REPS2: variants seen among roughly 807,000 people sequenced by gnomAD.
The protein encoded by REPS2 is RALBP1 associated Eps domain containing 2.
REPS2 carries 23 observed loss-of-function variants against 53.6 expected under a neutral mutation model. That is an observed-to-expected ratio of 0.43 (90% CI 0.31 to 0.61). REPS2 has a LOEUF of 0.61. REPS2 is among the 20% of genes least tolerant of loss of function. REPS2 has a pLI of 0.11. For synonymous variants in REPS2, 238 were observed against 218.6 expected, an observed-to-expected ratio of 1.09 and a Z score of -0.78; for missense variants, 446 against 534.9, an observed-to-expected ratio of 0.83 and a Z score of 1.64.
the REPS2 span, among the ~76,000 whole-genome samples, chrX:17,165,595 G>T: frequency 4.5e-5 from 5 of 111,717 alleles, no homozygotes; most frequent in African/African-American, 6.5e-5. Context: ...TCTGAGGGAG[G>T]AGCAGAGTGT....
chrX:17,186,571 A>G, the REPS2 span, among the ~76,000 whole-genome samples: 305 of 112,249 alleles, frequency 2.7e-3, 1 homozygote, highest in African/African-American at 9.3e-3. Context: ...GTATAAGATT[A>G]CCAGTAGTAA....
intron 14 of REPS2, among the ~76,000 whole-genome samples, chrX:17,127,898 C>G (rs908991575): frequency 3.6e-5 from 4 of 111,877 alleles, no homozygotes; most frequent in African/African-American, 9.7e-5. Flanking sequence ...AGCTGATGAT[C>G]CACCTCTAAG....
rs3222673 is a variant in REPS2, at chrX:17,030,314, G to GGTGTGT, written c.771+715_771+720dup. Among the ~76,000 whole-genome samples the GGTGTGT allele has an allele frequency of 7.7e-3, 788 of 101,875 alleles. 3 individuals carry two copies. Among genetic ancestry groups the GGTGTGT allele is most frequent in the African/African-American group, 0.018 (491 of 27,943 alleles). The allele number at this position is 101,875 out of a possible 115,157, so 88.5% of individuals were successfully genotyped here. A position where few individuals can be genotyped will look rare whatever the true frequency, so the allele number is the denominator to read the frequency against. ...TGGGGAAGTTATATTCTCAAAGAAG[G>GGTGTGT]GTGTGTGTGTGTGTGTGTGTGTGTG... is the stretch of plus-strand genomic sequence containing the variant. On this transcript the variant is annotated intron_variant, in intron 5 of 17. Coordinates refer to ENST00000357277, the MANE Select transcript of REPS2 (RefSeq NM_004726.3).
intron 9 of REPS2, among the ~76,000 whole-genome samples, chrX:17,066,448 A>G (rs769503254): frequency 6.2e-5 from 7 of 112,226 alleles, no homozygotes; most frequent in Middle Eastern, 4.6e-3. Context: ...ATTTCTTTTT[A>G]TCTACATTGC....
chrX:16,964,254 G>C (rs2060703487), intron 1 of REPS2, among the ~76,000 whole-genome samples: 1 of 109,016 alleles, frequency 9.2e-6, no homozygotes, highest in Non-Finnish European at 1.9e-5. Flanking sequence ...CTGCCTTCAA[G>C]CATCTGTTTA....
chrX:17,065,437 C>A (rs1341010644), intron 9 of REPS2, among the ~76,000 whole-genome samples: 3 of 112,155 alleles, frequency 2.7e-5, no homozygotes, highest in Non-Finnish European at 5.6e-5. Context: ...AGTGTCTCGT[C>A]CTTTGTCCAT....
At chrX:17,018,068 G>A (rs1175314007) in intron 2 of REPS2, among the ~76,000 whole-genome samples, 1 of 111,882 alleles carries the variant, frequency 8.9e-6, no homozygotes, top group Non-Finnish European at 1.9e-5. Context: ...CATTTTAAAT[G>A]TATAATTCAG....
At chrX:16,962,276 TAC>T (rs61520216) in intron 1 of REPS2, among the ~76,000 whole-genome samples, 22,178 of 81,496 alleles carry the variant, frequency 0.27, 2,653 homozygotes, top group Admixed American at 0.31. Flanking sequence ...TATCGTGGGA[TAC>T]ACACACACAC....
At chrX:17,060,318 T>C (rs1569154425) in intron 8 of REPS2, among the ~76,000 whole-genome samples, 1 of 110,355 alleles carries the variant, frequency 9.1e-6, no homozygotes, top group Non-Finnish European at 1.9e-5. Flanking sequence ...TAAAATAAAA[T>C]AAAAATAAAA....
At chrX:17,116,833 G>A (rs1040605243) in intron 14 of REPS2, among the ~76,000 whole-genome samples, 8 of 111,645 alleles carry the variant, frequency 7.2e-5, no homozygotes, top group African/African-American at 2.3e-4. Context: ...TGTCAGGAGC[G>A]AATTTGCCTT....
intron 1 of REPS2, among the ~76,000 whole-genome samples, chrX:16,976,728 T>C (rs942248627): frequency 8.9e-6 from 1 of 111,863 alleles, no homozygotes; most frequent in African/African-American, 3.2e-5. Context: ...GTTAAGAATA[T>C]ATATTAGAAC....
intron 1 of REPS2, among the ~76,000 whole-genome samples, chrX:16,970,971 G>C (rs2060884645): frequency 8.9e-6 from 1 of 112,463 alleles, no homozygotes; most frequent in African/African-American, 3.2e-5. Flanking sequence ...AGGTTTTTGT[G>C]TGGACATATG....
In REPS2 at chrX:17,147,508, G is replaced by A. The variant is rs1276465950; in HGVS notation, c.*27G>A. On this transcript the variant is annotated 3_prime_UTR_variant, in exon 18 of 18. Transcript: ENST00000357277. ...CCCCCCATGGTTCAAGTGACAGTGG[G>A]TGACCTTGTCTGCCAAGATCTTTCT... is the stretch of plus-strand genomic sequence containing the variant. 9.1e-7 allele frequency: 1 copy of A among 1,103,870 alleles called. No individual in the cohort carries two copies. The highest frequency in any genetic ancestry group is 1.2e-6 in the Non-Finnish European group (1 of 808,396). 91.0% of individuals were successfully genotyped at this position (1,103,870 alleles called of 1,213,427 possible). A position where few individuals can be genotyped will look rare whatever the true frequency, so the allele number is the denominator to read the frequency against.
intron 13 of REPS2, among the ~76,000 whole-genome samples, chrX:17,096,655 G>A (rs1603005449): frequency 3.2e-5 from 1 of 30,929 alleles, no homozygotes; most frequent in African/African-American, 1.7e-4. Context: ...GCGAGACTCC[G>A]TCTCAAAAAA....
At chrX:17,027,888 A>G (rs1194135706) in intron 4 of REPS2, among the ~76,000 whole-genome samples, 2 of 110,977 alleles carry the variant, frequency 1.8e-5, no homozygotes, top group Non-Finnish European at 3.8e-5. Context: ...GATGGCCTGA[A>G]TATCAGCTTT....
intron 2 of REPS2, among the ~76,000 whole-genome samples, chrX:17,018,796 G>A (rs1220560518): frequency 4.6e-5 from 5 of 108,040 alleles, no homozygotes; most frequent in Admixed American, 2.0e-4. Context: ...TTTTCTAATG[G>A]ATTGAGGAAA....
At chrX:17,196,414 G>A in the REPS2 span, among the ~76,000 whole-genome samples, 3 of 110,813 alleles carry the variant, frequency 2.7e-5, no homozygotes, top group South Asian at 3.9e-4. Flanking sequence ...ATTAAGAGGC[G>A]GGGCCTTTGG....
chrX:17,005,545 A>G (rs2061354196), intron 1 of REPS2, among the ~76,000 whole-genome samples: 2 of 111,461 alleles, frequency 1.8e-5, no homozygotes, highest in South Asian at 3.7e-4. Context: ...ACTTGGATAG[A>G]GTACTCTGAG....
chrX:17,025,251 G>A (rs971347466), intron 4 of REPS2, 66 bp downstream of exon 4: 14 of 1,060,374 alleles, frequency 1.3e-5, no homozygotes, highest in African/African-American at 1.9e-5. Flanking sequence ...TTTACCAGGC[G>A]GTAACGCTTC....
Sources: allele counts gnomAD v4.1 joint callset (sites outside exome capture counted in the v4.1 genomes callset), GRCh38; gene constraint gnomAD v4.1.1; transcripts MANE v1.5; gene names NCBI Gene and HGNC (gene_info 2026-07-23, HGNC 2026-07-21).